LTO1: variants seen among roughly 807,000 people sequenced by gnomAD.
LTO1 encodes the protein protein LTO1 homolog.
Under a neutral mutation model 19.8 loss-of-function variants are expected in LTO1, and 18 were observed. The ratio of observed to expected loss-of-function variants is 0.91; its 90% CI spans 0.63 to 1.35. LTO1 has a LOEUF of 1.35. LTO1 is among the 40% of genes most tolerant of loss of function. LTO1 has a pLI of 0.00. For synonymous variants in LTO1, 59 were observed against 59.6 expected, an observed-to-expected ratio of 0.99 and a Z score of 0.05; for missense variants, 175 against 167.9, an observed-to-expected ratio of 1.04 and a Z score of -0.23.
rs1260433942 is a variant in LTO1 at position 69,666,853 on chromosome 11, C to T, written c.*666G>A. On this transcript the variant is annotated 3_prime_UTR_variant, in exon 5 of 5. Coordinates refer to ENST00000279147, the MANE Select transcript of LTO1 (RefSeq NM_153451.3). ...GACCTGTGCGGCCTGGGAGGGAGGG[C>T]AGGGACTCGCCTGTGCATTCCGGAG... The T allele has an allele frequency of 1.3e-5, 2 of 152,198 alleles. No homozygotes were observed. Among genetic ancestry groups the T allele is most frequent in the African/African-American group, 4.8e-5 (2 of 41,428 alleles). 9.4% of individuals were successfully genotyped at this position (152,198 alleles called of 1,614,324 possible).
At chr11:69,671,223 A>AG (rs1273315131) in intron 3 of LTO1, among the ~76,000 whole-genome samples, 3 of 152,176 alleles carry the variant, frequency 2.0e-5, no homozygotes, top group Non-Finnish European at 4.4e-5. Context: ...AAGGCTAAAA[A>AG]CAATTCAAAT....
intron 3 of LTO1, 158 bp downstream of exon 3, chr11:69,671,591 C>T (rs369429606): frequency 2.3e-5 from 14 of 606,220 alleles, no homozygotes; most frequent in South Asian, 1.8e-4. Flanking sequence ...TTAGTATTTC[C>T]GTTAAATCTC....
chr11:69,668,888 C>T (rs1388704358), intron 3 of LTO1, among the ~76,000 whole-genome samples: 1 of 151,710 alleles, frequency 6.6e-6, no homozygotes, highest in African/African-American at 2.4e-5. Context: ...ATTAGATGGG[C>T]GTGATAGTGT....
Position 69,673,243 on chromosome 11 carries a change from C to A in LTO1, c.129G>T (p.Thr43=). 1 of 1,611,970 alleles carries A rather than the reference C, an allele frequency of 6.2e-7. No individual in the cohort carries two copies. The highest frequency in any genetic ancestry group is 8.5e-7 in the Non-Finnish European group (1 of 1,177,978). The change falls in exon 2 of 5, where the codon ACG becomes ACT. Residue 43 remains threonine (T), a synonymous_variant. Coordinates refer to ENST00000279147, the MANE Select transcript of LTO1 (RefSeq NM_153451.3). Reference sequence around the variant, plus strand: ...CAGACCCGATTTTGGCTCCATGCAGCGTGCCATGCTGCCTTCCCTCCATCA... The same window carrying A: ...CAGACCCGATTTTGGCTCCATGCAGAGTGCCATGCTGCCTTCCCTCCATCA... The part of the protein sequence containing the change: ...LGVMEGRQHG[T]LHGAKIGSEI...
At position 69,667,693 on chromosome 11, in the gene LTO1, C is replaced by T; in HGVS notation, c.346-106G>A. The T allele has an allele frequency of 4.7e-6, 4 of 849,766 alleles. No homozygotes were observed. The South Asian group carries it at 5.9e-5, about 13-fold the overall frequency. The allele number at this position is 849,766 out of a possible 1,614,324, so 52.6% of individuals were successfully genotyped here. A position where few individuals can be genotyped will look rare whatever the true frequency, so the allele number is the denominator to read the frequency against. ...AGCTTTTCCTGTCTATGTGGCCAGCCCATAAATGAGTTCTAACTCCTTTTC... is the reference window on the plus strand; with the variant it reads ...AGCTTTTCCTGTCTATGTGGCCAGCTCATAAATGAGTTCTAACTCCTTTTC... On this transcript the variant is annotated intron_variant, in intron 4 of 4. Coordinates refer to ENST00000279147, the MANE Select transcript of LTO1 (RefSeq NM_153451.3).
rs1053687411 is a variant in LTO1, at chr11:69,667,959, T to G, written c.281A>C (p.Tyr94Ser). Reference sequence around the variant, plus strand: ...GAGTTTATCGTAAGTAGGGTCATCATAAGGGAATTTCTGGATCATTCCAAT... The same window carrying G: ...GAGTTTATCGTAAGTAGGGTCATCAGAAGGGAATTTCTGGATCATTCCAAT... ...SLIGMIQKFP[Y>S]DDPTYDKLHE... is the part of the protein sequence containing the mutation. The change falls in exon 4 of 5, where the codon TAT (tyrosine) becomes TCT (serine). Residue 94 changes from tyrosine to serine, a missense_variant. Tyr to Ser is a moderately radical substitution (Grantham distance 144). Coordinates refer to ENST00000279147, the MANE Select transcript of LTO1 (RefSeq NM_153451.3). 1.9e-6 allele frequency: 3 copies of G among 1,599,788 alleles called. No individual in the cohort carries two copies. The African/African-American group carries it at 4.0e-5, about 21-fold the overall frequency.
intron 3 of LTO1, among the ~76,000 whole-genome samples, chr11:69,668,675 GTTT>G (rs60405881): frequency 0.54 from 78,764 of 147,140 alleles, 23,227 homozygotes; most frequent in East Asian, 0.88. Flanking sequence ...TTTCTGTTTT[GTTT>G]TTTTTTTTTT....
intron 4 of LTO1, 21 bp downstream of exon 4, chr11:69,667,874 G>A (rs370973505): frequency 8.8e-7 from 1 of 1,142,524 alleles, no homozygotes; most frequent in South Asian, 1.2e-5. Flanking sequence ...CCTAGCAGGA[G>A]GAAACACACA....
chr11:69,675,146 G>C (rs748291039), intron 1 of LTO1, 44 bp downstream of exon 1: 2 of 1,575,978 alleles, frequency 1.3e-6, no homozygotes, highest in South Asian at 2.3e-5. Context: ...GCCGCTGGGA[G>C]ACGACCAGAC....
chr11:69,667,358 A>G lies in LTO1; in HGVS notation c.*161T>C. The G allele has an allele frequency of 1.6e-6, 1 of 619,234 alleles. No individual in the cohort carries two copies. The highest frequency in any genetic ancestry group is 1.9e-5 in the South Asian group (1 of 51,838). The allele number at this position is 619,234 out of a possible 1,614,324, so 38.4% of individuals were successfully genotyped here. ...AGACGGGCACCAAGGTGACACAGGC[A>G]GAAAACCCCAGGGAAGGAAGCCCTC... On this transcript the variant is annotated 3_prime_UTR_variant, in exon 5 of 5. Transcript: ENST00000279147.
chr11:69,667,253 G>A lies in LTO1; in HGVS notation c.*266C>T, dbSNP rs373026006. The A allele has an allele frequency of 7.9e-6, 4 of 508,666 alleles. No individual in the cohort carries two copies. Among genetic ancestry groups the A allele is most frequent in the African/African-American group, 3.9e-5 (2 of 50,962 alleles). The allele number at this position is 508,666 out of a possible 1,614,324, so 31.5% of individuals were successfully genotyped here. On this transcript the variant is annotated 3_prime_UTR_variant, in exon 5 of 5. Coordinates refer to ENST00000279147, the MANE Select transcript of LTO1 (RefSeq NM_153451.3). ...AGAACCAGCTAGGCCTGTGCTGCCG[G>A]AGAGGCTGTCAAGTCAATGCACGAG...
chr11:69,670,116 G>A (rs559633847), intron 3 of LTO1, among the ~76,000 whole-genome samples: 10 of 152,200 alleles, frequency 6.6e-5, no homozygotes, highest in Admixed American at 1.3e-4. Context: ...ACTACTGGAT[G>A]GGATGAGGGC....
rs909273997 is a variant in LTO1 at position 69,675,314 on chromosome 11, G to A, written c.-75C>T. ...GCCGTAGCAGACCCGGCAGCTTCAG[G>A]CACAAATGCTCCGCTTGGGAGGAGA... On this transcript the variant is annotated 5_prime_UTR_variant, in exon 1 of 5. Coordinates refer to ENST00000279147, the MANE Select transcript of LTO1 (RefSeq NM_153451.3). 46 of 1,216,700 alleles carry A rather than the reference G, an allele frequency of 3.8e-5. No homozygotes were observed. The African/African-American group carries it at 5.5e-4, about 15-fold the overall frequency. 75.4% of individuals were successfully genotyped at this position (1,216,700 alleles called of 1,614,324 possible).
intron 3 of LTO1, among the ~76,000 whole-genome samples, chr11:69,670,942 CCAGGCTGGAGCG>C (rs1416331819): frequency 6.6e-6 from 1 of 152,094 alleles, no homozygotes; most frequent in Non-Finnish European, 1.5e-5. Flanking sequence ...GCTCTGTCGC[CCAGGCTGGAGCG>C]CAGTGGCATT....
intron 1 of LTO1, chr11:69,674,566 T>C (rs1488839114): frequency 2.8e-6 from 1 of 354,668 alleles, no homozygotes; most frequent in Non-Finnish European, 5.6e-6. Context: ...AGGGCTGAAG[T>C]AGATAACCAG....
chr11:69,675,004 G>A, intron 1 of LTO1, 186 bp downstream of exon 1: 2 of 696,620 alleles, frequency 2.9e-6, no homozygotes, highest in South Asian at 3.0e-5. Flanking sequence ...CGCCGGAGCG[G>A]GCCAGGAGAA....
chr11:69,675,002 C>A (rs925641350), intron 1 of LTO1, 188 bp downstream of exon 1: 9 of 695,298 alleles, frequency 1.3e-5, no homozygotes, highest in Non-Finnish European at 1.8e-5. Flanking sequence ...CCCGCCGGAG[C>A]GGGCCAGGAG....
chr11:69,667,886 TGCAC>T lies in LTO1; in HGVS notation c.345+5_345+8del, dbSNP rs769815819. 8.2e-7 allele frequency: 1 copy of T among 1,221,756 alleles called. No homozygotes were observed. The highest frequency in any genetic ancestry group is 1.2e-6 in the Non-Finnish European group (1 of 821,250). The allele number at this position is 1,221,756 out of a possible 1,614,324, so 75.7% of individuals were successfully genotyped here. ...GCTCCTAGCAGGAGGAAACACACAG[TGCAC>T]GCACCTGTTTAAATTTTCCTCTGAT... On this transcript the variant is annotated splice_donor_5th_base_variant and intron_variant, in intron 4 of 4. Coordinates refer to ENST00000279147, the MANE Select transcript of LTO1 (RefSeq NM_153451.3).
At chr11:69,672,349 C>T (rs1030325537) in intron 2 of LTO1, 6 of 161,232 alleles carry the variant, frequency 3.7e-5, no homozygotes, top group African/African-American at 1.4e-4. Context: ...CTCCTGAGTT[C>T]CCAACCCTCA....
Sources: gnomAD v4.1 joint callset for allele counts (sites outside exome capture counted in the v4.1 genomes callset) on GRCh38, gnomAD v4.1.1 for gene constraint, MANE v1.5 for transcripts, NCBI Gene and HGNC (gene_info 2026-07-23, HGNC 2026-07-21) for gene names.